Variants in BRDT observed in about 807,000 individuals in gnomAD.
BRDT encodes bromodomain testis associated.
A neutral mutation model predicts 113.9 loss-of-function variants in BRDT; 77 were observed. The ratio of observed to expected loss-of-function variants is 0.68; its 90% CI spans 0.56 to 0.82. BRDT has a LOEUF of 0.82. BRDT is among the 40% of genes least tolerant of loss of function. The pLI is 0.00. For synonymous variants in BRDT, 358 were observed against 366.5 expected (o/e 0.98, Z 0.26); for missense variants, 1,027 against 1,105.4 (o/e 0.93, Z 1.01).
rs776044791 is a variant in BRDT, at chr1:91,952,716, G to T, written c.-38+3034G>T. ...AGCACTTGGGGAGCTTGAGGCAGGC[G>T]GAGGAGTGCTTGAGCCCAGGAGTTC... is the stretch of plus-strand genomic sequence containing the variant. On this transcript the variant is annotated intron_variant, in intron 1 of 18. Coordinates refer to ENST00000399546, the MANE Select transcript of BRDT (RefSeq NM_207189.4). 2.0e-5 allele frequency among the ~76,000 whole-genome samples: 3 copies of T among 150,084 alleles called. No individual in the cohort carries two copies. The South Asian group carries it at 6.4e-4, about 32-fold the overall frequency.
chr1:91,955,351 G>A (rs1681627706), intron 1 of BRDT, among the ~76,000 whole-genome samples: 1 of 152,124 alleles, frequency 6.6e-6, no homozygotes, highest in African/African-American at 2.4e-5. Flanking sequence ...CTACTAGGGA[G>A]GCTGAGGCAG....
chr1:91,950,647 G>A (rs956572112), intron 1 of BRDT: 18 of 134,894 alleles, frequency 1.3e-4, no homozygotes, highest in African/African-American at 4.6e-4. Context: ...AGGCATGGAT[G>A]TATGTACACC....
intron 8 of BRDT, among the ~76,000 whole-genome samples, chr1:91,980,355 G>A (rs1413882888): frequency 6.6e-6 from 1 of 151,934 alleles, no homozygotes; most frequent in South Asian, 2.1e-4. Flanking sequence ...GCAAGACCCT[G>A]GCTCAAAAAA....
intron 3 of BRDT, among the ~76,000 whole-genome samples, chr1:91,965,097 A>T (rs1006815324): frequency 1.3e-5 from 2 of 151,658 alleles, no homozygotes; most frequent in African/African-American, 4.8e-5. Flanking sequence ...TTTTTTTAGT[A>T]GAGATGGGGT....
chr1:91,949,788 T>C (rs1244506435), intron 1 of BRDT, 106 bp downstream of exon 1: 1 of 152,240 alleles, frequency 6.6e-6, no homozygotes, highest in African/African-American at 2.4e-5. Context: ...CTGGTTTTTC[T>C]TCAAGGGAGG....
At chr1:91,961,332 AAAAT>A (rs1682421057) in intron 1 of BRDT, among the ~76,000 whole-genome samples, 1 of 151,724 alleles carries the variant, frequency 6.6e-6, no homozygotes, top group Non-Finnish European at 1.5e-5. Context: ...ACAGAAAAAT[AAAAT>A]AAAATCACTT....
intron 3 of BRDT, among the ~76,000 whole-genome samples, chr1:91,965,287 C>G (rs1321357654): frequency 9.2e-5 from 14 of 152,042 alleles, no homozygotes; most frequent in Non-Finnish European, 1.8e-4. Flanking sequence ...AATACTTGTT[C>G]AGTCTATTTG....
intron 1 of BRDT, among the ~76,000 whole-genome samples, chr1:91,955,296 A>G (rs1681618357): frequency 6.6e-6 from 1 of 152,076 alleles, no homozygotes; most frequent in Non-Finnish European, 1.5e-5. Context: ...TACTAAAAAT[A>G]CAAAAATTAG....
In BRDT at chr1:91,992,275, T is replaced by G; in HGVS notation, c.2076T>G (p.Asn692Lys). Residue 692 changes from asparagine to lysine, a missense_variant, in exon 14 of 19, where the codon AAT becomes AAG. Physicochemically the swap from Asn to Lys is moderately conservative, Grantham distance 94. Transcript: ENST00000399546. The stretch of plus-strand genomic sequence containing the variant: ...ATAATTATTTTTAGAAAATGAAGAA[T>G]GAATGCATACCGCCTGAAGGAAGAA... ...PSKENVKKMK[N>K]ECIPPEGRTG... 6.7e-7 allele frequency: 1 copy of G among 1,493,320 alleles called. No homozygotes were observed. The highest frequency in any genetic ancestry group is 1.4e-5 in the African/African-American group (1 of 70,244). The allele number at this position is 1,493,320 out of a possible 1,614,324, so 92.5% of individuals were successfully genotyped here.
At chr1:91,961,350 C>T (rs1557804843) in intron 1 of BRDT, among the ~76,000 whole-genome samples, 1 of 151,024 alleles carries the variant, frequency 6.6e-6, no homozygotes, top group Non-Finnish European at 1.5e-5. Context: ...ATCACTTTGG[C>T]TGGGCATAGT....
At position 91,981,252 on chromosome 1, in the gene BRDT, C is replaced by T; in HGVS notation, c.1751-16C>T. 2 of 1,612,192 alleles carry T rather than the reference C, an allele frequency of 1.2e-6. No individual in the cohort carries two copies. Among genetic ancestry groups the T allele is most frequent in the South Asian group, 1.1e-5 (1 of 90,766 alleles). ...TTTTTGGTTATACTCACTTTCTTCC[C>T]TCCTAAATCACACAGCTAAGAAAAT... On this transcript the variant is annotated splice_polypyrimidine_tract_variant and intron_variant, in intron 10 of 18. Transcript: ENST00000399546.
intron 18 of BRDT, among the ~76,000 whole-genome samples, chr1:92,006,786 T>A (rs186438039): frequency 1.3e-5 from 2 of 151,834 alleles, no homozygotes; most frequent in East Asian, 1.9e-4. Flanking sequence ...TTTTTATTTT[T>A]ATTTTATTTT....
rs755791707 is a variant in BRDT, at chr1:91,994,114, C to T, written c.2147C>T (p.Ala716Val). The T allele has an allele frequency of 3.7e-6, 6 of 1,611,212 alleles. No homozygotes were observed. The South Asian group carries it at 6.6e-5, about 18-fold the overall frequency. The part of the protein sequence containing the change: ...IGYCVQDTTS[A>V]NTTLVHQTTP... ...TATTGTGTGCAAGACACAACCTCTG[C>T]CAATACTACCCTTGTTCATCAGACC... Residue 716 changes from alanine (A) to valine (V), a missense_variant, in exon 15 of 19, where the codon GCC becomes GTC. By Grantham distance (64) the Ala-to-Val change is moderately conservative. Transcript: ENST00000399546.
At chr1:91,957,835 G>A (rs913563085) in intron 1 of BRDT, among the ~76,000 whole-genome samples, 5 of 151,804 alleles carry the variant, frequency 3.3e-5, no homozygotes, top group African/African-American at 1.2e-4. Flanking sequence ...GTGTTTTTTT[G>A]TTGTTTTTTG....
At chr1:91,957,321 G>T (rs1048101989) in intron 1 of BRDT, among the ~76,000 whole-genome samples, 4 of 152,100 alleles carry the variant, frequency 2.6e-5, no homozygotes, top group African/African-American at 9.7e-5. Flanking sequence ...GTGAAACCCT[G>T]TCTCTACTAA....
chr1:91,983,762 T>C (rs1684938480), intron 12 of BRDT, among the ~76,000 whole-genome samples: 1 of 151,192 alleles, frequency 6.6e-6, no homozygotes, highest in African/African-American at 2.4e-5. Flanking sequence ...GATTGTGGCC[T>C]CCTCCGCCTC....
chr1:91,987,531 T>G (rs1375281026), intron 12 of BRDT, among the ~76,000 whole-genome samples: 2 of 151,796 alleles, frequency 1.3e-5, no homozygotes, highest in African/African-American at 4.8e-5. Context: ...AGAGACGGGG[T>G]TTCGCCATAT....
intron 18 of BRDT, 26 bp downstream of exon 18, chr1:92,005,325 C>A: frequency 6.7e-7 from 1 of 1,488,892 alleles, no homozygotes; most frequent in South Asian, 1.5e-5. Flanking sequence ...TTTACTAAAT[C>A]TAATTTAACA....
intron 12 of BRDT, among the ~76,000 whole-genome samples, chr1:91,987,504 T>G (rs1685362190): frequency 6.6e-6 from 1 of 151,434 alleles, no homozygotes; most frequent in Admixed American, 6.6e-5. Context: ...CGGCTAATTT[T>G]TTTGATATTT....
Sources: gnomAD v4.1 joint callset for allele counts (sites outside exome capture counted in the v4.1 genomes callset) on GRCh38, gnomAD v4.1.1 for gene constraint, MANE v1.5 for transcripts, NCBI Gene and HGNC (gene_info 2026-07-23, HGNC 2026-07-21) for gene names.